The following CELF4 variants were observed in gnomAD, a reference collection of about 807,000 sequenced individuals.
CELF4 encodes CUG-BP- and ETR-3-like factor 4.
CELF4 carries 18 observed loss-of-function variants against 59.9 expected under a neutral mutation model. That is an observed-to-expected ratio of 0.30 (90% CI 0.21 to 0.45). The LOEUF (loss-of-function observed/expected upper bound fraction) is 0.45. Ranked by LOEUF, CELF4 falls within the 20% of genes least tolerant of loss-of-function variation. CELF4 has a pLI of 1.00. For synonymous variants in CELF4, 261 were observed against 267.1 expected, an observed-to-expected ratio of 0.98 and a Z score of 0.22; for missense variants, 456 against 689.0, an observed-to-expected ratio of 0.66 and a Z score of 3.79.
At chr18:37,505,337 A>G (rs1226350403) in intron 1 of CELF4, among the ~76,000 whole-genome samples, 2 of 152,168 alleles carry the variant, frequency 1.3e-5, no homozygotes, top group Non-Finnish European at 2.9e-5. Context: ...CTAGTTTTGC[A>G]TCTCCGCTTA....
At chr18:37,488,645 C>T (rs980127731) in intron 1 of CELF4, among the ~76,000 whole-genome samples, 13 of 152,090 alleles carry the variant, frequency 8.5e-5, no homozygotes, top group Admixed American at 8.5e-4. Flanking sequence ...GCACTCTCAC[C>T]ATGCTTCCCC....
intron 2 of CELF4, among the ~76,000 whole-genome samples, chr18:37,379,615 C>T (rs2099013822): frequency 6.6e-6 from 1 of 151,402 alleles, no homozygotes; most frequent in African/African-American, 2.4e-5. Context: ...TCTCCCTAGC[C>T]TAGAAAAATT....
intron 2 of CELF4, among the ~76,000 whole-genome samples, chr18:37,476,600 T>C (rs12604271): frequency 0.85 from 129,045 of 152,232 alleles, 54,797 homozygotes; most frequent in East Asian, 1. Context: ...TTTGATGGCA[T>C]GTGGCAGCCC....
intron 1 of CELF4, among the ~76,000 whole-genome samples, chr18:37,554,663 C>T (rs2099984252): frequency 6.6e-6 from 1 of 152,144 alleles, no homozygotes; most frequent in Non-Finnish European, 1.5e-5. Flanking sequence ...CCAGTTGGGC[C>T]TTTGGCTGTC....
At chr18:37,274,043 C>T in intron 6 of CELF4, 1 of 1,307,346 alleles carries the variant, frequency 7.6e-7, no homozygotes, top group South Asian at 1.9e-5. Flanking sequence ...TCAGGGTAAC[C>T]CACTTTTCTG....
intron 2 of CELF4, among the ~76,000 whole-genome samples, chr18:37,330,901 G>A (rs956282053): frequency 3.3e-5 from 5 of 152,148 alleles, no homozygotes; most frequent in East Asian, 1.9e-4. Context: ...AAGTGGTGGC[G>A]ATCATCATTT....
rs111962521 is a variant in CELF4 at position 37,426,771 on chromosome 18, C to T, written c.369+58754G>A. ...AATTTGCCAGGCCATGTTGCGTCGC[C>T]GCTGCCATGTGCGGTTTGCTGCACA... On this transcript the variant is annotated intron_variant, in intron 2 of 12. Coordinates refer to ENST00000420428, the MANE Select transcript of CELF4 (RefSeq NM_020180.4). 5.2e-3 allele frequency among the ~76,000 whole-genome samples: 794 copies of T among 152,202 alleles called. 9 individuals carry two copies. Among genetic ancestry groups the T allele is most frequent in the African/African-American group, 0.018 (766 of 41,528 alleles).
intron 2 of CELF4, among the ~76,000 whole-genome samples, chr18:37,391,807 A>G (rs1024345174): frequency 1.3e-5 from 2 of 152,240 alleles, no homozygotes; most frequent in Admixed American, 6.5e-5. Flanking sequence ...TCAGGACACA[A>G]GAGAGGCACA....
intron 1 of CELF4, among the ~76,000 whole-genome samples, chr18:37,522,191 C>G (rs1386838053): frequency 6.6e-6 from 1 of 152,168 alleles, no homozygotes; most frequent in Non-Finnish European, 1.5e-5. Context: ...AAATTATTTT[C>G]TAAATGAGTC....
intron 2 of CELF4, among the ~76,000 whole-genome samples, chr18:37,423,061 C>G (rs529132975): frequency 1.0e-5 from 1 of 96,806 alleles, no homozygotes; most frequent in South Asian, 4.6e-4. Flanking sequence ...CATGCGCGCG[C>G]GCGCACACAC....
chr18:37,342,775 T>C (rs765081073), intron 2 of CELF4, among the ~76,000 whole-genome samples: 1 of 152,228 alleles, frequency 6.6e-6, no homozygotes, highest in Non-Finnish European at 1.5e-5. Flanking sequence ...TAAAGATGTG[T>C]TGTGAGCTAC....
At chr18:37,408,783 C>T (rs1457995043) in intron 2 of CELF4, among the ~76,000 whole-genome samples, 2 of 152,138 alleles carry the variant, frequency 1.3e-5, no homozygotes, top group Non-Finnish European at 2.9e-5. Context: ...TCTTTTTGGT[C>T]CTGTCCCACC....
chr18:37,388,417 C>T (rs2099122307), intron 2 of CELF4, among the ~76,000 whole-genome samples: 1 of 151,670 alleles, frequency 6.6e-6, no homozygotes, highest in African/African-American at 2.4e-5. Flanking sequence ...CCTCCTCCTT[C>T]TCCTCCTTTC....
chr18:37,296,293 G>C (rs1277625698), intron 3 of CELF4, among the ~76,000 whole-genome samples: 1 of 152,184 alleles, frequency 6.6e-6, no homozygotes, highest in Non-Finnish European at 1.5e-5. Context: ...GACTACAGGT[G>C]TTACAGAAAG....
chr18:37,330,097 C>T (rs1034131229), intron 2 of CELF4, among the ~76,000 whole-genome samples: 9 of 152,200 alleles, frequency 5.9e-5, no homozygotes, highest in South Asian at 2.1e-4. Flanking sequence ...GCAACCAACT[C>T]GATAAGGACA....
intron 2 of CELF4, among the ~76,000 whole-genome samples, chr18:37,456,961 C>G (rs925527020): frequency 6.6e-6 from 1 of 152,174 alleles, no homozygotes; most frequent in African/African-American, 2.4e-5. Context: ...TTGGATGGGA[C>G]AGCCTGATCT....
intron 2 of CELF4, among the ~76,000 whole-genome samples, chr18:37,381,149 T>C (rs2099035893): frequency 6.6e-6 from 1 of 151,076 alleles, no homozygotes; most frequent in South Asian, 2.1e-4. Context: ...CATCCATCCA[T>C]CCATCCACCT....
intron 1 of CELF4, among the ~76,000 whole-genome samples, chr18:37,519,693 C>T (rs955759810): frequency 3.3e-5 from 5 of 152,234 alleles, no homozygotes; most frequent in Non-Finnish European, 7.3e-5. Flanking sequence ...CTGCCACAAG[C>T]GTCCCCCCTC....
chr18:37,482,162 G>GTT, intron 2 of CELF4, among the ~76,000 whole-genome samples: 1 of 152,316 alleles, frequency 6.6e-6, no homozygotes, highest in East Asian at 1.9e-4. Flanking sequence ...CAAGCGGGGA[G>GTT]GTGGATGTGT....
Sources: gnomAD v4.1 joint callset for allele counts (sites outside exome capture counted in the v4.1 genomes callset) on GRCh38, gnomAD v4.1.1 for gene constraint, MANE v1.5 for transcripts, NCBI Gene and HGNC (gene_info 2026-07-23, HGNC 2026-07-21) for gene names.